MAP2K5: variants seen among roughly 807,000 people sequenced by gnomAD.
The protein encoded by MAP2K5 is mitogen-activated protein kinase kinase 5.
A neutral mutation model predicts 83.1 loss-of-function variants in MAP2K5; 49 were observed. The observed-to-expected ratio is 0.59, with a 90% CI of 0.47 to 0.75. The LOEUF (loss-of-function observed/expected upper bound fraction) is 0.75, where lower values mean the gene tolerates loss of function less well. Ranked by LOEUF, MAP2K5 falls within the 30% of genes least tolerant of loss-of-function variation. The pLI is 0.00. For synonymous variants in MAP2K5, 202 were observed against 191.8 expected (o/e 1.05, Z -0.44); for missense variants, 457 against 557.5 (o/e 0.82, Z 1.82).
chr15:67,628,035 G>C (rs1480533289), intron 8 of MAP2K5: 2 of 733,872 alleles, frequency 2.7e-6, no homozygotes, highest in Non-Finnish European at 4.8e-6. Context: ...TGTCACATAT[G>C]CCCCTGTGGA....
At chr15:67,706,527 A>G (rs2088558910) in intron 16 of MAP2K5, among the ~76,000 whole-genome samples, 1 of 152,126 alleles carries the variant, frequency 6.6e-6, no homozygotes. Flanking sequence ...CTTGTATTTT[A>G]AAATGGATGG....
Position 67,781,271 on chromosome 15 carries a change from C to T in MAP2K5, c.1242+8519C>T, listed in dbSNP as rs914977504. ...TCTTATCAATTATTAACCAGTCTAA[C>T]CAGGAATTTTAAGAGCTGGGGAAAA... On this transcript the variant is annotated intron_variant, in intron 21 of 21. Coordinates refer to ENST00000178640, the MANE Select transcript of MAP2K5 (RefSeq NM_145160.3). The surrounding 1 kb of genome is among the most constrained non-coding windows in gnomAD (Gnocchi z 4.0). Among the ~76,000 whole-genome samples, 11 of 152,174 alleles carry T rather than the reference C, an allele frequency of 7.2e-5. No homozygotes were observed. The highest frequency in any genetic ancestry group is 1.0e-4 in the Non-Finnish European group (7 of 68,042).
chr15:67,768,048 C>T lies in MAP2K5; in HGVS notation c.1135-1554C>T, dbSNP rs560854221. Among the ~76,000 whole-genome samples, 1 of 152,132 alleles carries T rather than the reference C, an allele frequency of 6.6e-6. No individual in the cohort carries two copies. Among genetic ancestry groups the T allele is most frequent in the African/African-American group, 2.4e-5 (1 of 41,506 alleles). ...CATGTTTCTTTTCTTGTAGCCTCTTCGGTGTTTTTTGTTGTCTGTTTTTTG... is the reference window on the plus strand; with the variant it reads ...CATGTTTCTTTTCTTGTAGCCTCTTTGGTGTTTTTTGTTGTCTGTTTTTTG... On this transcript the variant is annotated intron_variant, in intron 19 of 21. Transcript: ENST00000178640. The surrounding 1 kb of genome is among the most constrained non-coding windows in gnomAD (Gnocchi z 4.0).
chr15:67,684,114 T>G (rs1740061114), intron 13 of MAP2K5, among the ~76,000 whole-genome samples: 1 of 152,178 alleles, frequency 6.6e-6, no homozygotes, highest in Non-Finnish European at 1.5e-5. Flanking sequence ...CTCTAGAAAT[T>G]GCATAGGAGT....
intron 2 of MAP2K5, among the ~76,000 whole-genome samples, chr15:67,553,673 G>T (rs943693840): frequency 3.3e-5 from 5 of 152,026 alleles, no homozygotes; most frequent in Non-Finnish European, 5.9e-5. Flanking sequence ...CAGCACTTTG[G>T]GAGGCCGAGG....
chr15:67,546,441 C>T, intron 1 of MAP2K5: 1 of 215,918 alleles, frequency 4.6e-6, no homozygotes, highest in Non-Finnish European at 7.9e-6. Context: ...TGTCTCGGAC[C>T]TGAAGTCAGC....
At chr15:67,628,897 A>T in intron 8 of MAP2K5, 1 of 749,592 alleles carries the variant, frequency 1.3e-6, no homozygotes, top group Non-Finnish European at 2.4e-6. Flanking sequence ...GTGGGGATGG[A>T]TGGCTATAAT....
rs988054878 is a variant in MAP2K5 at position 67,644,191 on chromosome 15, C to T, written c.586-2040C>T. On this transcript the variant is annotated intron_variant, in intron 9 of 21. Transcript: ENST00000178640. The surrounding 1 kb of genome is among the most constrained non-coding windows in gnomAD (Gnocchi z 4.6). ...GGTGGATCACCTGAGGTCAGGAATT[C>T]GAGACCAGCCTGGCCAACATGGTGA... Among the ~76,000 whole-genome samples, 1 of 151,988 alleles carries T rather than the reference C, an allele frequency of 6.6e-6. No individual in the cohort carries two copies. The highest frequency in any genetic ancestry group is 1.5e-5 in the Non-Finnish European group (1 of 67,994).
chr15:67,626,152 A>G (rs1055963823), intron 8 of MAP2K5, among the ~76,000 whole-genome samples: 2 of 152,306 alleles, frequency 1.3e-5, no homozygotes, highest in Admixed American at 6.5e-5. Context: ...TGGAGGGGGA[A>G]AAATAATATA....
chr15:67,550,478 A>G (rs538094557), intron 2 of MAP2K5, among the ~76,000 whole-genome samples: 68 of 152,236 alleles, frequency 4.5e-4, no homozygotes, highest in Non-Finnish European at 8.5e-4. Flanking sequence ...TGAGCATTAC[A>G]TGGAATAATT....
Position 67,664,599 on chromosome 15 carries a change from T to A in MAP2K5, c.801T>A (p.Val267=). 6.4e-7 allele frequency: 1 copy of A among 1,566,230 alleles called. No individual in the cohort carries two copies. The highest frequency in any genetic ancestry group is 8.8e-7 in the Non-Finnish European group (1 of 1,137,370). The part of the protein sequence containing the change: ...EHVLGRIAVA[V]VKGLTYLWSL... ...TGTTTTCTTTTTCCTAAATTTAGGT[T>A]GTTAAAGGCCTTACTTATTTGTGGA... Residue 267 remains valine, a splice_region_variant and synonymous_variant, in exon 13 of 22, where the codon GTT becomes GTA. Coordinates refer to ENST00000178640, the MANE Select transcript of MAP2K5 (RefSeq NM_145160.3).
At position 67,775,351 on chromosome 15, in the gene MAP2K5, G is replaced by C. The variant is rs1483180896; in HGVS notation, c.1242+2599G>C. ...CCTAAGTGGAAGTATTTTAAAGTTG[G>C]ACCAAGAAATTCCTTTACTGCTTAC... On this transcript the variant is annotated intron_variant, in intron 21 of 21. Transcript: ENST00000178640. This position sits in a 1 kb window ranked among gnomAD's most constrained non-coding sequence, Gnocchi z 5.3. Among the ~76,000 whole-genome samples, 1 of 152,168 alleles carries C rather than the reference G, an allele frequency of 6.6e-6. No homozygotes were observed. Among genetic ancestry groups the C allele is most frequent in the Non-Finnish European group, 1.5e-5 (1 of 68,038 alleles).
At chr15:67,711,362 C>T (rs2141226254) in intron 16 of MAP2K5, among the ~76,000 whole-genome samples, 1 of 152,330 alleles carries the variant, frequency 6.6e-6, no homozygotes, top group African/African-American at 2.4e-5. Flanking sequence ...ACCAAGGTAT[C>T]AGATCCAGAT....
chr15:67,658,552 G>A lies in MAP2K5; in HGVS notation c.737-1G>A. On this transcript the variant is annotated splice_acceptor_variant, in intron 11 of 21. Transcript: ENST00000178640. LOFTEE classifies it high-confidence loss of function. ...GTAACATGGCATGTTTATCTCTACA[G>A]GGGGATCTTTGGATGTATATAGGAA... is the stretch of plus-strand genomic sequence containing the variant. 1 of 1,611,018 alleles carries A rather than the reference G, an allele frequency of 6.2e-7. No individual in the cohort carries two copies. The highest frequency in any genetic ancestry group is 8.5e-7 in the Non-Finnish European group (1 of 1,177,580).
chr15:67,713,506 C>T (rs1484902482), intron 16 of MAP2K5, among the ~76,000 whole-genome samples: 4 of 152,202 alleles, frequency 2.6e-5, no homozygotes, highest in Admixed American at 6.5e-5. Context: ...AAGGCCGAGG[C>T]GGGTTGATCA....
rs949860733 is a variant in MAP2K5, at chr15:67,746,065, A to G, written c.1075-2166A>G. Among the ~76,000 whole-genome samples, 5 of 152,188 alleles carry G rather than the reference A, an allele frequency of 3.3e-5. No individual in the cohort carries two copies. On this transcript the variant is annotated intron_variant, in intron 17 of 21. Transcript: ENST00000178640. The surrounding 1 kb of genome is among the most constrained non-coding windows in gnomAD (Gnocchi z 4.1). ...ATATTGCTGTTTTTCTCTTTCTTTTAATGAAGAGCAAGCATAAATAGTACA... is the reference window on the plus strand; with the variant it reads ...ATATTGCTGTTTTTCTCTTTCTTTTGATGAAGAGCAAGCATAAATAGTACA...
At chr15:67,602,780 A>G (rs1470926516) in intron 8 of MAP2K5, among the ~76,000 whole-genome samples, 1 of 152,194 alleles carries the variant, frequency 6.6e-6, no homozygotes, top group Non-Finnish European at 1.5e-5. Context: ...CAGCCTCCCA[A>G]GCAGTTGGGA....
In MAP2K5 at chr15:67,724,171, A is replaced by C. The variant is rs555529019; in HGVS notation, c.1045-3745A>C. On this transcript the variant is annotated intron_variant, in intron 16 of 21. Coordinates refer to ENST00000178640, the MANE Select transcript of MAP2K5 (RefSeq NM_145160.3). The surrounding 1 kb of genome is among the most constrained non-coding windows in gnomAD (Gnocchi z 4.4). ...TGCAGGCCATTTCAGAGAAGATTAC[A>C]TACTCTCTTTTGTAAGTTTCCTAAT... Among the ~76,000 whole-genome samples the C allele has an allele frequency of 3.9e-5, 6 of 152,344 alleles. No homozygotes were observed. The South Asian group carries it at 1.0e-3, about 26-fold the overall frequency.
intron 13 of MAP2K5, among the ~76,000 whole-genome samples, chr15:67,682,082 G>A (rs888726410): frequency 2.0e-5 from 3 of 152,060 alleles, no homozygotes; most frequent in African/African-American, 7.2e-5. Context: ...ACTTGATATT[G>A]CATTAAAATA....
Sources: allele counts gnomAD v4.1 joint callset (sites outside exome capture counted in the v4.1 genomes callset), GRCh38; gene constraint gnomAD v4.1.1; non-coding constraint Gnocchi (gnomAD v3.1); transcripts MANE v1.5; gene names NCBI Gene and HGNC (gene_info 2026-07-23, HGNC 2026-07-21).